Variants in TMEFF1 observed in about 807,000 individuals in gnomAD.
TMEFF1 encodes tomoregulin-1.
A neutral mutation model predicts 47.5 loss-of-function variants in TMEFF1; 20 were observed. The observed-to-expected ratio is 0.42, with a 90% confidence interval of 0.30 to 0.61. TMEFF1 has a LOEUF of 0.61. TMEFF1 is among the 20% of genes least tolerant of loss of function. TMEFF1 has a pLI of 0.19. For synonymous variants in TMEFF1, 162 were observed against 166.3 expected (o/e 0.97, Z 0.20); for missense variants, 411 against 471.1 (o/e 0.87, Z 1.18).
chr9:100,550,095 A>G lies in TMEFF1; in HGVS notation c.710A>G (p.Asp237Gly), dbSNP rs750083259. 6.2e-6 allele frequency: 10 copies of G among 1,610,968 alleles called. No individual in the cohort carries two copies. In the South Asian group the frequency reaches 1.0e-4, roughly 16 times the overall value. ...IDIRHLGHCT[D>G]TDDTSLLGKK... is the part of the protein sequence containing the mutation. ...ATTTGAAAACCGTCTTCTCTTACAG[A>G]TACAGATGACACTAGTTTGTTGGGA... Residue 237 changes from aspartate to glycine, a missense_variant and splice_region_variant, in exon 7 of 10, where the codon GAT becomes GGT. Asp to Gly is a moderately conservative substitution (Grantham distance 94). Coordinates refer to ENST00000374879, the MANE Select transcript of TMEFF1 (RefSeq NM_003692.5).
chr9:100,535,084 C>G (rs1056907283), intron 5 of TMEFF1, among the ~76,000 whole-genome samples: 2 of 152,110 alleles, frequency 1.3e-5, no homozygotes, highest in Non-Finnish European at 2.9e-5. Flanking sequence ...TGGATTGACC[C>G]ACTTCTGTAA....
rs367916611 is a variant in TMEFF1 at position 100,572,669 on chromosome 9, A to C, written c.1051A>C (p.Ile351Leu). 11 of 1,605,382 alleles carry C rather than the reference A, an allele frequency of 6.9e-6. No homozygotes were observed. The highest frequency in any genetic ancestry group is 9.3e-6 in the Non-Finnish European group (11 of 1,176,968). The change falls in exon 9 of 10, where the codon ATA (isoleucine) becomes CTA (leucine). Residue 351 changes from isoleucine to leucine, a missense_variant. Transcript: ENST00000374879. Reference protein sequence around the residue: ...IAIIVAIVMCITRKCPKNNRG... With the variant: ...IAIIVAIVMCLTRKCPKNNRG... The stretch of plus-strand genomic sequence containing the variant: ...CATCATAGTAGCAATTGTAATGTGC[A>C]TAACAAGGTAGGTAATGATGTAAGA...
At chr9:100,483,897 C>G (rs531495326) in intron 1 of TMEFF1, among the ~76,000 whole-genome samples, 3 of 152,096 alleles carry the variant, frequency 2.0e-5, no homozygotes, top group African/African-American at 7.2e-5. Flanking sequence ...GTCATCTCCT[C>G]TTAATTAAAT....
intron 5 of TMEFF1, among the ~76,000 whole-genome samples, chr9:100,534,274 A>G (rs1408126076): frequency 6.6e-6 from 1 of 152,146 alleles, no homozygotes; most frequent in Non-Finnish European, 1.5e-5. Context: ...TAGAGAAAAC[A>G]CTGGTCTCAG....
intron 5 of TMEFF1, among the ~76,000 whole-genome samples, chr9:100,526,558 G>A (rs1275298073): frequency 1.3e-5 from 2 of 151,872 alleles, no homozygotes; most frequent in Non-Finnish European, 2.9e-5. Flanking sequence ...TGTTTTCAGA[G>A]TACTCATTTT....
At chr9:100,533,850 C>G (rs1035009308) in intron 5 of TMEFF1, among the ~76,000 whole-genome samples, 15 of 152,268 alleles carry the variant, frequency 9.9e-5, no homozygotes, top group South Asian at 8.3e-4. Context: ...TCCCGAGTAG[C>G]TGGGATTACA....
intron 5 of TMEFF1, among the ~76,000 whole-genome samples, chr9:100,529,756 A>G (rs1336977695): frequency 1.3e-5 from 2 of 152,200 alleles, no homozygotes; most frequent in Non-Finnish European, 2.9e-5. Context: ...ATAGACATCT[A>G]CAGAACTCTC....
chr9:100,511,335 G>C (rs1484190441), intron 3 of TMEFF1, among the ~76,000 whole-genome samples: 5 of 152,178 alleles, frequency 3.3e-5, no homozygotes, highest in Admixed American at 6.5e-5. Context: ...TGGGAGCACT[G>C]TGCTAGGGTT....
chr9:100,556,219 T>C (rs1265874562), intron 7 of TMEFF1, among the ~76,000 whole-genome samples: 3 of 152,236 alleles, frequency 2.0e-5, no homozygotes, highest in African/African-American at 7.2e-5. Flanking sequence ...GGAACTACCA[T>C]AGTGCCTGGA....
At chr9:100,489,779 C>G (rs1054496415) in intron 1 of TMEFF1, among the ~76,000 whole-genome samples, 1 of 152,152 alleles carries the variant, frequency 6.6e-6, no homozygotes, top group Non-Finnish European at 1.5e-5. Flanking sequence ...AATAACCGCA[C>G]CATAACAGAT....
At chr9:100,573,652 G>C (rs1033248333) in intron 9 of TMEFF1, among the ~76,000 whole-genome samples, 1 of 152,164 alleles carries the variant, frequency 6.6e-6, no homozygotes, top group Non-Finnish European at 1.5e-5. Context: ...ACAGATATTG[G>C]CAGGCCATAA....
At chr9:100,498,995 C>T (rs144189180) in intron 2 of TMEFF1, 121 bp downstream of exon 2, 748 of 1,009,436 alleles carry the variant, frequency 7.4e-4, no homozygotes, top group Non-Finnish European at 9.4e-4. Context: ...GTCACAGCCC[C>T]TCAGTTCTTT....
chr9:100,531,557 A>G (rs1383639600), intron 5 of TMEFF1, among the ~76,000 whole-genome samples: 1 of 152,162 alleles, frequency 6.6e-6, no homozygotes, highest in Non-Finnish European at 1.5e-5. Context: ...TTCAAGGAGA[A>G]CTACAAACCA....
At chr9:100,494,499 T>C (rs999622931) in intron 1 of TMEFF1, among the ~76,000 whole-genome samples, 5 of 151,984 alleles carry the variant, frequency 3.3e-5, no homozygotes, top group African/African-American at 9.7e-5. Context: ...CCACAGGCGG[T>C]GTGGTGATTT....
At chr9:100,576,411 T>C in intron 9 of TMEFF1, 105 bp from the exon 10 acceptor site, 1 of 1,398,158 alleles carries the variant, frequency 7.2e-7, no homozygotes, top group Non-Finnish European at 9.6e-7. Context: ...TTGCTTGCAA[T>C]GTGGCTTTAT....
At chr9:100,574,120 T>G (rs1839304257) in intron 9 of TMEFF1, among the ~76,000 whole-genome samples, 1 of 152,224 alleles carries the variant, frequency 6.6e-6, no homozygotes, top group Non-Finnish European at 1.5e-5. Context: ...GAAACATGTT[T>G]GCCCAGTATG....
intron 1 of TMEFF1, among the ~76,000 whole-genome samples, chr9:100,491,621 A>G (rs1837553895): frequency 6.6e-6 from 1 of 152,186 alleles, no homozygotes; most frequent in African/African-American, 2.4e-5. Flanking sequence ...GGTGGGTGTG[A>G]ATGTGAATAC....
At chr9:100,540,006 A>C (rs191935368) in intron 5 of TMEFF1, among the ~76,000 whole-genome samples, 1 of 152,264 alleles carries the variant, frequency 6.6e-6, no homozygotes, top group Admixed American at 6.5e-5. Flanking sequence ...CTTTAGCTAG[A>C]CAGAGTGCTG....
intron 2 of TMEFF1, among the ~76,000 whole-genome samples, chr9:100,502,598 G>C (rs1837784350): frequency 6.6e-6 from 1 of 152,194 alleles, no homozygotes. Context: ...CTGGGCTCAA[G>C]CAGTCTTCCC....
Sources: gnomAD v4.1 joint callset for allele counts (sites outside exome capture counted in the v4.1 genomes callset) on GRCh38, gnomAD v4.1.1 for gene constraint, MANE v1.5 for transcripts, NCBI Gene and HGNC (gene_info 2026-07-23, HGNC 2026-07-21) for gene names.